Variants in AATF observed in about 807,000 individuals in gnomAD.
The protein encoded by AATF is apoptosis antagonizing transcription factor, also known as protein AATF.
In AATF, 48 loss-of-function variants were observed where a neutral mutation model predicts 63.7. The ratio of observed to expected loss-of-function variants is 0.75; its 90% CI spans 0.60 to 0.96. The LOEUF (loss-of-function observed/expected upper bound fraction) is 0.96. AATF is among the 40% of genes least tolerant of loss of function. AATF has a pLI of 0.00. For missense variants in AATF, 639 were observed against 685.7 expected, an observed-to-expected ratio of 0.93 and a Z score of 0.76; for synonymous variants, 258 against 247.7, an observed-to-expected ratio of 1.04 and a Z score of -0.39.
chr17:36,965,661 C>G (rs1455678034), intron 4 of AATF, among the ~76,000 whole-genome samples: 2 of 152,020 alleles, frequency 1.3e-5, no homozygotes, highest in Admixed American at 6.6e-5. Flanking sequence ...TATTTTTGGT[C>G]TCTGGACATG....
At chr17:37,041,739 A>G (rs955991028) in intron 11 of AATF, among the ~76,000 whole-genome samples, 1 of 152,212 alleles carries the variant, frequency 6.6e-6, no homozygotes, top group African/African-American at 2.4e-5. Context: ...TCCTGACCTC[A>G]GGTGATCCAC....
Position 37,056,637 on chromosome 17 carries a change from C to T in AATF, c.1656C>T (p.His552=), listed in dbSNP as rs530840597. Residue 552 remains histidine (H), a synonymous_variant, in exon 12 of 12, where the codon CAC becomes CAT. Transcript: ENST00000619387. ...ACCGCTCTCTTTTTGGCCAGCTCCA[C>T]CCTCCCGACGAAGGCCACGGGGATT... is the stretch of plus-strand genomic sequence containing the variant. The part of the protein sequence containing the change: ...ELYRSLFGQL[H]PPDEGHGD 9 of 1,614,136 alleles carry T rather than the reference C, an allele frequency of 5.6e-6. No individual in the cohort carries two copies. In the Admixed American group the frequency reaches 8.3e-5, roughly 15 times the overall value.
intron 10 of AATF, among the ~76,000 whole-genome samples, chr17:37,028,867 A>G (rs1274463287): frequency 6.6e-6 from 1 of 152,188 alleles, no homozygotes; most frequent in Non-Finnish European, 1.5e-5. Context: ...TTCTGTTCCT[A>G]CGGTTATATG....
At chr17:37,054,080 T>G (rs1368356080) in intron 11 of AATF, among the ~76,000 whole-genome samples, 1 of 152,070 alleles carries the variant, frequency 6.6e-6, no homozygotes, top group Non-Finnish European at 1.5e-5. Context: ...TGTGCCTCCC[T>G]GTACCACCCA....
chr17:36,999,151 C>A (rs1274519131), intron 8 of AATF: 1 of 152,138 alleles, frequency 6.6e-6, no homozygotes, highest in Non-Finnish European at 1.5e-5. Flanking sequence ...TCCACTGTTA[C>A]TTATTTCAGG....
At chr17:37,027,016 ATGT>A (rs975780113) in intron 10 of AATF, among the ~76,000 whole-genome samples, 24 of 152,336 alleles carry the variant, frequency 1.6e-4, no homozygotes, top group African/African-American at 5.5e-4. Flanking sequence ...ACTTCCAGAA[ATGT>A]TGTAGCAAAG....
At chr17:37,039,351 A>G (rs2071618273) in intron 11 of AATF, among the ~76,000 whole-genome samples, 1 of 152,236 alleles carries the variant, frequency 6.6e-6, no homozygotes, top group Admixed American at 6.5e-5. Context: ...CAAATATGCA[A>G]CATTGATCTA....
chr17:36,995,724 C>T (rs2071249762), intron 8 of AATF, among the ~76,000 whole-genome samples: 1 of 151,892 alleles, frequency 6.6e-6, no homozygotes, highest in Admixed American at 6.6e-5. Flanking sequence ...GGTACCATCA[C>T]ACCCAGCTAA....
intron 2 of AATF, among the ~76,000 whole-genome samples, chr17:36,951,662 C>T (rs972808050): frequency 2.0e-5 from 3 of 152,170 alleles, no homozygotes; most frequent in African/African-American, 7.2e-5. Context: ...CAAATGTAGG[C>T]TGTCTGACTC....
intron 10 of AATF, among the ~76,000 whole-genome samples, chr17:37,029,715 G>A (rs946308894): frequency 2.0e-5 from 3 of 151,960 alleles, no homozygotes; most frequent in Admixed American, 2.0e-4. Flanking sequence ...ACAGGCATGT[G>A]CCACCACACC....
chr17:37,037,369 A>G lies in AATF; in HGVS notation c.1619+5684A>G, dbSNP rs547899595. Among the ~76,000 whole-genome samples the G allele has an allele frequency of 4.5e-4, 68 of 152,278 alleles. 1 individual carries two copies. Among genetic ancestry groups the G allele is most frequent in the African/African-American group, 1.6e-3 (65 of 41,568 alleles). Reference sequence around the variant, plus strand: ...CACTTGTTTTTGTAGAGCCAGAGCTATCAGTGGCCTAAGGAGAAGAAAAGG... The same window carrying G: ...CACTTGTTTTTGTAGAGCCAGAGCTGTCAGTGGCCTAAGGAGAAGAAAAGG... On this transcript the variant is annotated intron_variant, in intron 11 of 11. Coordinates refer to ENST00000619387, the MANE Select transcript of AATF (RefSeq NM_012138.4).
chr17:36,984,642 G>A (rs971401778), intron 4 of AATF, among the ~76,000 whole-genome samples: 15 of 152,016 alleles, frequency 9.9e-5, no homozygotes, highest in East Asian at 5.8e-4. Context: ...TGTTTTTTGC[G>A]GGGAGATTTT....
At chr17:37,052,018 A>G (rs935055614) in intron 11 of AATF, among the ~76,000 whole-genome samples, 4 of 152,158 alleles carry the variant, frequency 2.6e-5, no homozygotes, top group Admixed American at 6.5e-5. Flanking sequence ...CCTCAGGTCC[A>G]AGTCCTGTTA....
chr17:36,966,585 A>G (rs2142218944), intron 4 of AATF, among the ~76,000 whole-genome samples: 1 of 152,194 alleles, frequency 6.6e-6, no homozygotes, highest in East Asian at 1.9e-4. Context: ...TTCATTTTAA[A>G]TCATATTTTT....
rs902372951 is a variant in AATF, at chr17:36,948,984, G to C, written c.-142G>C. The C allele has an allele frequency of 7.9e-6, 6 of 756,704 alleles. No homozygotes were observed. In the South Asian group the frequency reaches 1.0e-4, roughly 13 times the overall value. The allele number at this position is 756,704 out of a possible 1,614,324, so 46.9% of individuals were successfully genotyped here. ...TCCCGGAAGTGGCCGGTCCAGAGCT[G>C]TGGGGTGGCCTCCGCGCGGTCTCTG... On this transcript the variant is annotated 5_prime_UTR_variant, in exon 1 of 12. Transcript: ENST00000619387.
At chr17:37,001,136 TA>T (rs1401147673) in intron 8 of AATF, among the ~76,000 whole-genome samples, 1 of 151,808 alleles carries the variant, frequency 6.6e-6, no homozygotes, top group Non-Finnish European at 1.5e-5. Flanking sequence ...CTAGGCAACA[TA>T]GGGAGACCCC....
chr17:37,029,123 C>T (rs566434416), intron 10 of AATF, among the ~76,000 whole-genome samples: 12 of 152,080 alleles, frequency 7.9e-5, no homozygotes, highest in African/African-American at 2.9e-4. Context: ...AAGCCCAGAC[C>T]GGAGGGCTCA....
chr17:36,995,757 G>T (rs986446224), intron 8 of AATF, among the ~76,000 whole-genome samples: 2 of 151,526 alleles, frequency 1.3e-5, no homozygotes, highest in Non-Finnish European at 2.9e-5. Context: ...TTGTAGAGAC[G>T]GGGTTTTGCT....
intron 4 of AATF, among the ~76,000 whole-genome samples, chr17:36,977,081 G>A (rs182305568): frequency 3.9e-5 from 6 of 152,314 alleles, no homozygotes; most frequent in East Asian, 1.9e-4. Context: ...TGATATTAAA[G>A]TTAGGAAGTA....
Sources: allele counts gnomAD v4.1 joint callset (sites outside exome capture counted in the v4.1 genomes callset), GRCh38; gene constraint gnomAD v4.1.1; transcripts MANE v1.5; gene names NCBI Gene and HGNC (gene_info 2026-07-23, HGNC 2026-07-21).